Variants in PTPRT observed in about 807,000 individuals in gnomAD.
PTPRT encodes protein tyrosine phosphatase receptor type T, also known as receptor-type tyrosine-protein phosphatase T.
A neutral mutation model predicts 176.8 loss-of-function variants in PTPRT; 56 were observed. The ratio of observed to expected loss-of-function variants is 0.32; its 90% CI spans 0.26 to 0.40. The LOEUF (loss-of-function observed/expected upper bound fraction) is 0.40. PTPRT is among the 10% of genes least tolerant of loss of function. The pLI, the probability that PTPRT is intolerant of heterozygous loss-of-function variation, is 1.00. For synonymous variants in PTPRT, 783 were observed against 739.0 expected (o/e 1.06, Z -0.96); for missense variants, 1,540 against 1,908.2 (o/e 0.81, Z 3.60).
intron 6 of PTPRT, among the ~76,000 whole-genome samples, chr20:42,680,747 T>C (rs2075588578): frequency 1.3e-5 from 2 of 152,240 alleles, no homozygotes; most frequent in South Asian, 2.1e-4. Context: ...CAGTATTCAA[T>C]TGCTGACCAC....
chr20:42,435,292 G>A (rs2145814988), intron 9 of PTPRT, among the ~76,000 whole-genome samples: 1 of 152,326 alleles, frequency 6.6e-6, no homozygotes, highest in Non-Finnish European at 1.5e-5. Flanking sequence ...TGTGAACTGT[G>A]GTCCATGTTA....
rs1983090509 is a variant in PTPRT at position 42,079,369 on chromosome 20, A to T, written c.*1510T>A. ...TTGGCTTAGAGAAGATGAAGAAAAC[A>T]GCACGGAGAAGTCTCATTGCCATTA... On this transcript the variant is annotated 3_prime_UTR_variant, in exon 31 of 31. Transcript: ENST00000373187. 1 of 209,990 alleles carries T rather than the reference A, an allele frequency of 4.8e-6. No individual in the cohort carries two copies. Among genetic ancestry groups the T allele is most frequent in the Non-Finnish European group, 9.7e-6 (1 of 103,416 alleles). 13.0% of individuals were successfully genotyped at this position (209,990 alleles called of 1,614,324 possible). A position where few individuals can be genotyped will look rare whatever the true frequency, so the allele number is the denominator to read the frequency against.
chr20:42,379,768 A>C (rs1313782241), intron 9 of PTPRT, among the ~76,000 whole-genome samples: 1 of 152,236 alleles, frequency 6.6e-6, no homozygotes, highest in Non-Finnish European at 1.5e-5. Flanking sequence ...AGTCTCCTTG[A>C]ATCAGTGTGC....
chr20:42,574,778 G>A (rs940525246), intron 7 of PTPRT, among the ~76,000 whole-genome samples: 8 of 152,190 alleles, frequency 5.3e-5, no homozygotes, highest in African/African-American at 1.7e-4. Context: ...GGAGGGACCT[G>A]TTGGAAGGTG....
At chr20:42,172,378 G>A (rs1338229391) in intron 16 of PTPRT, among the ~76,000 whole-genome samples, 1 of 152,160 alleles carries the variant, frequency 6.6e-6, no homozygotes, top group South Asian at 2.1e-4. Context: ...CCACTTCACA[G>A]TTGTTAGAGA....
At chr20:42,163,401 A>T (rs1481071073) in intron 16 of PTPRT, among the ~76,000 whole-genome samples, 1 of 152,246 alleles carries the variant, frequency 6.6e-6, no homozygotes, top group Non-Finnish European at 1.5e-5. Context: ...TCCTGACTGC[A>T]CAGAGAAATA....
intron 6 of PTPRT, among the ~76,000 whole-genome samples, chr20:42,713,531 T>C (rs1013688204): frequency 2.6e-5 from 4 of 152,186 alleles, no homozygotes; most frequent in African/African-American, 9.7e-5. Context: ...CTTCAGAAAT[T>C]TCACCATATA....
intron 16 of PTPRT, among the ~76,000 whole-genome samples, chr20:42,173,866 A>G (rs946826645): frequency 6.6e-6 from 1 of 152,214 alleles, no homozygotes; most frequent in Non-Finnish European, 1.5e-5. Context: ...TTCACCATCC[A>G]TTTATACTTT....
At chr20:43,129,963 C>G (rs2013594024) in intron 1 of PTPRT, among the ~76,000 whole-genome samples, 1 of 152,064 alleles carries the variant, frequency 6.6e-6, no homozygotes, top group Non-Finnish European at 1.5e-5. Context: ...ATCAAGAATT[C>G]ACAGAGAGAC....
chr20:42,260,596 C>T (rs2056731829), intron 13 of PTPRT, among the ~76,000 whole-genome samples: 1 of 152,196 alleles, frequency 6.6e-6, no homozygotes, highest in Admixed American at 6.5e-5. Context: ...AAGCTCAGAG[C>T]AGTCCCAGGG....
intron 1 of PTPRT, among the ~76,000 whole-genome samples, chr20:43,063,818 T>A (rs919521428): frequency 2.0e-5 from 3 of 152,160 alleles, no homozygotes; most frequent in Non-Finnish European, 2.9e-5. Flanking sequence ...CTCTGCAAGT[T>A]CCCAGGTGTT....
intron 9 of PTPRT, among the ~76,000 whole-genome samples, chr20:42,389,852 CAAAAAAA>C (rs769093573): frequency 1.6e-5 from 2 of 127,202 alleles, no homozygotes; most frequent in African/African-American, 2.9e-5. Context: ...AAAACCCTGT[CAAAAAAA>C]AAAAAAAAAA....
At chr20:42,463,796 A>G (rs1377820058) in intron 8 of PTPRT, among the ~76,000 whole-genome samples, 2 of 152,128 alleles carry the variant, frequency 1.3e-5, no homozygotes, top group Non-Finnish European at 2.9e-5. Context: ...CAGTTGCCAT[A>G]TTTCTTTATT....
chr20:42,840,764 T>C (rs1184480552), intron 2 of PTPRT, among the ~76,000 whole-genome samples: 2 of 152,130 alleles, frequency 1.3e-5, no homozygotes, highest in Non-Finnish European at 2.9e-5. Context: ...TGGGTATAAA[T>C]GCCTGTTCCT....
At chr20:42,192,391 T>C (rs1991036865) in intron 16 of PTPRT, among the ~76,000 whole-genome samples, 1 of 152,230 alleles carries the variant, frequency 6.6e-6, no homozygotes, top group African/African-American at 2.4e-5. Context: ...CCTAAAATAA[T>C]CTGGCTAAAA....
intron 7 of PTPRT, among the ~76,000 whole-genome samples, chr20:42,480,139 A>G (rs1037000939): frequency 3.3e-5 from 5 of 152,212 alleles, no homozygotes; most frequent in African/African-American, 1.2e-4. Flanking sequence ...CATGGGGAAA[A>G]GAACATTGGT....
intron 6 of PTPRT, among the ~76,000 whole-genome samples, chr20:42,715,365 G>A (rs987473697): frequency 6.6e-6 from 1 of 152,030 alleles, no homozygotes; most frequent in Non-Finnish European, 1.5e-5. Context: ...TTGCAGATGA[G>A]AACTTTAAAA....
intron 6 of PTPRT, among the ~76,000 whole-genome samples, chr20:42,691,756 G>C (rs2075797654): frequency 6.6e-6 from 1 of 152,146 alleles, no homozygotes; most frequent in African/African-American, 2.4e-5. Context: ...AGGTCCCATA[G>C]ACCTCTGTCC....
chr20:43,000,912 T>A (rs1318468899), intron 1 of PTPRT, among the ~76,000 whole-genome samples: 3 of 152,204 alleles, frequency 2.0e-5, no homozygotes, highest in African/African-American at 7.2e-5. Flanking sequence ...AACATCCTAG[T>A]GAAATCTCTG....
Sources: allele counts gnomAD v4.1 joint callset (sites outside exome capture counted in the v4.1 genomes callset), GRCh38; gene constraint gnomAD v4.1.1; transcripts MANE v1.5; gene names NCBI Gene and HGNC (gene_info 2026-07-23, HGNC 2026-07-21).